The following POT1 variants were observed in gnomAD, a reference collection of about 807,000 sequenced individuals.
The protein encoded by POT1 is protection of telomeres 1, also known as protection of telomeres protein 1.
In POT1, 47 loss-of-function variants were observed where a neutral mutation model predicts 78.5. The ratio of observed to expected loss-of-function variants is 0.60; its 90% confidence interval spans 0.47 to 0.76. The LOEUF is 0.76. Among genes scored for constraint, POT1 ranks in the 30% least tolerant of loss-of-function variants. The pLI is 0.00. For synonymous variants in POT1, 259 were observed against 260.7 expected, an observed-to-expected ratio of 0.99 and a Z score of 0.06; for missense variants, 646 against 749.9, an observed-to-expected ratio of 0.86 and a Z score of 1.62.
At chr7:124,897,613 A>T (rs1796523725) in intron 4 of POT1, among the ~76,000 whole-genome samples, 1 of 151,892 alleles carries the variant, frequency 6.6e-6, no homozygotes, top group South Asian at 2.1e-4. Context: ...GTTTTCAGAA[A>T]GAAAAAAATC....
chr7:124,868,258 T>C (rs1305759239), intron 7 of POT1, among the ~76,000 whole-genome samples: 1 of 151,648 alleles, frequency 6.6e-6, no homozygotes, highest in Non-Finnish European at 1.5e-5. Flanking sequence ...ACATAAAGAG[T>C]GTAAGGAAGC....
rs1795834808 is a variant in POT1 at position 124,870,248 on chromosome 7, T to A, written c.255+663A>T. Among the ~76,000 whole-genome samples the A allele has an allele frequency of 2.6e-5, 4 of 152,236 alleles. No homozygotes were observed. The South Asian group carries it at 8.3e-4, about 32-fold the overall frequency. ...AAGTGCATTGAACAAAAAAGCTCAA[T>A]TAAATAAATATTATAGCAATAAAGA... On this transcript the variant is annotated intron_variant, in intron 7 of 18. Transcript: ENST00000357628.
At chr7:124,890,101 G>A (rs1010722283) in intron 6 of POT1, among the ~76,000 whole-genome samples, 47 of 152,072 alleles carry the variant, frequency 3.1e-4, no homozygotes, top group African/African-American at 1.1e-3. Context: ...GAACATGCAT[G>A]ATTCATGTGA....
chr7:124,928,413 C>T (rs13228358), intron 2 of POT1, among the ~76,000 whole-genome samples: 48,525 of 152,056 alleles, frequency 0.32, 7,772 homozygotes, highest in South Asian at 0.39. Flanking sequence ...AGGTACAGCA[C>T]AGTCTGTTAT....
intron 6 of POT1, among the ~76,000 whole-genome samples, chr7:124,888,898 T>TCC (rs72569198): frequency 6.6e-6 from 1 of 151,448 alleles, no homozygotes; most frequent in Non-Finnish European, 1.5e-5. Context: ...CATTCCCCTC[T>TCC]CCCTCTCCTG....
intron 3 of POT1, among the ~76,000 whole-genome samples, chr7:124,905,665 A>G (rs1796747688): frequency 4.6e-5 from 7 of 152,234 alleles, no homozygotes; most frequent in Admixed American, 2.6e-4. Flanking sequence ...GAGCTTCTGC[A>G]CAGCAAAAGA....
intron 3 of POT1, chr7:124,900,814 C>G (rs1476726549): frequency 7.5e-6 from 3 of 399,748 alleles, no homozygotes; most frequent in Admixed American, 2.5e-5. Context: ...CTGTGCTTTT[C>G]CAACGGTCTT....
At chr7:124,895,314 C>G (rs1796466417) in intron 5 of POT1, among the ~76,000 whole-genome samples, 1 of 151,584 alleles carries the variant, frequency 6.6e-6, no homozygotes, top group Non-Finnish European at 1.5e-5. Context: ...AAGTACATCA[C>G]TTGATCCACA....
At chr7:124,888,356 G>A (rs1405129951) in intron 6 of POT1, among the ~76,000 whole-genome samples, 2 of 151,976 alleles carry the variant, frequency 1.3e-5, no homozygotes, top group African/African-American at 2.4e-5. Context: ...CCATACTGTC[G>A]CAATACTGTT....
At chr7:124,873,455 G>T (rs1795917216) in intron 6 of POT1, among the ~76,000 whole-genome samples, 2 of 152,142 alleles carry the variant, frequency 1.3e-5, no homozygotes, top group Admixed American at 1.3e-4. Flanking sequence ...AATCCTACTT[G>T]ATCATGGTGA....
chr7:124,855,120 G>C (rs1228007427), intron 9 of POT1, among the ~76,000 whole-genome samples: 1 of 149,314 alleles, frequency 6.7e-6, no homozygotes, highest in Admixed American at 6.7e-5. Flanking sequence ...TAAAGAATAT[G>C]AGAGGGGGGC....
chr7:124,905,106 G>C (rs1796727507), intron 3 of POT1, among the ~76,000 whole-genome samples: 1 of 152,106 alleles, frequency 6.6e-6, no homozygotes, highest in Non-Finnish European at 1.5e-5. Context: ...TCCCCATCAA[G>C]CTACCAATGA....
intron 3 of POT1, among the ~76,000 whole-genome samples, chr7:124,899,294 C>T (rs368752503): frequency 4.6e-5 from 7 of 152,092 alleles, no homozygotes; most frequent in Admixed American, 3.3e-4. Flanking sequence ...ATGAATCAAA[C>T]GAAAGACCTT....
chr7:124,844,720 G>A, intron 12 of POT1, among the ~76,000 whole-genome samples: 1 of 116,438 alleles, frequency 8.6e-6, no homozygotes. Context: ...GGGCGACAGC[G>A]AGACTCCGCC....
intron 11 of POT1, among the ~76,000 whole-genome samples, chr7:124,850,600 C>T (rs534714796): frequency 3.8e-4 from 58 of 151,978 alleles, no homozygotes; most frequent in African/African-American, 1.1e-3. Context: ...GGTGTGGTGG[C>T]GGGTGCCTGT....
intron 2 of POT1, among the ~76,000 whole-genome samples, chr7:124,927,523 T>C (rs976361446): frequency 1.9e-4 from 29 of 152,352 alleles, no homozygotes; most frequent in Admixed American, 1.5e-3. Flanking sequence ...ACAAGTGTTA[T>C]TGAAACTTGC....
chr7:124,902,934 T>C (rs1457344261), intron 3 of POT1, among the ~76,000 whole-genome samples: 3 of 152,062 alleles, frequency 2.0e-5, no homozygotes, highest in Non-Finnish European at 2.9e-5. Context: ...CAGAAGGCCA[T>C]TAAGTAATGG....
chr7:124,893,957 C>T (rs181929668), intron 5 of POT1, among the ~76,000 whole-genome samples: 5 of 151,406 alleles, frequency 3.3e-5, no homozygotes, highest in African/African-American at 1.2e-4. Flanking sequence ...TCCTTTTGTT[C>T]TATAATAATA....
At chr7:124,927,542 G>A (rs1320294471) in intron 2 of POT1, among the ~76,000 whole-genome samples, 3 of 152,054 alleles carry the variant, frequency 2.0e-5, no homozygotes, top group Admixed American at 6.6e-5. Flanking sequence ...GCATTCTTAC[G>A]TATCAAAGAC....
Sources: gnomAD v4.1 joint callset for allele counts (sites outside exome capture counted in the v4.1 genomes callset) on GRCh38, gnomAD v4.1.1 for gene constraint, MANE v1.5 for transcripts, NCBI Gene and HGNC (gene_info 2026-07-23, HGNC 2026-07-21) for gene names.